The following HPS5 variants were observed in gnomAD, a reference collection of about 807,000 sequenced individuals.
The protein encoded by HPS5 is HPS5 biogenesis of lysosomal organelles complex 2 subunit 2, also known as BLOC-2 complex member HPS5.
HPS5 carries 83 observed loss-of-function variants against 128.0 expected under a neutral mutation model. The observed-to-expected ratio is 0.65, with a 90% CI of 0.54 to 0.78. The LOEUF is 0.78. Ranked by LOEUF, HPS5 falls within the 30% of genes least tolerant of loss-of-function variation. The pLI, the probability that HPS5 is intolerant of heterozygous loss-of-function variation, is 0.00. For synonymous variants in HPS5, 475 were observed against 470.2 expected, an observed-to-expected ratio of 1.01 and a Z score of -0.13; for missense variants, 1,281 against 1,326.2, an observed-to-expected ratio of 0.97 and a Z score of 0.53.
rs910524535 is a variant in HPS5 at position 18,280,684 on chromosome 11, T to TA, written c.3330-743dup. 4.7e-6 allele frequency: 3 copies of TA among 639,552 alleles called. No individual in the cohort carries two copies. The African/African-American group carries it at 5.5e-5, about 12-fold the overall frequency. The allele number at this position is 639,552 out of a possible 1,614,324, so 39.6% of individuals were successfully genotyped here. Reference sequence around the variant, plus strand: ...GGATAAACAAAAGGTGGCATATATATACAACGGAATATTATTCAGCCTTAA... The same window carrying TA: ...GGATAAACAAAAGGTGGCATATATATAACAACGGAATATTATTCAGCCTTAA... On this transcript the variant is annotated intron_variant, in intron 22 of 22. Coordinates refer to ENST00000349215, the MANE Select transcript of HPS5 (RefSeq NM_181507.2).
chr11:18,297,545 G>A lies in HPS5; in HGVS notation c.1323+14C>T. Reference sequence around the variant, plus strand: ...TCTTACCCTACAAAATCCTTTAAAGGTGAGAATACTTACATGTGATGAAAT... The same window carrying A: ...TCTTACCCTACAAAATCCTTTAAAGATGAGAATACTTACATGTGATGAAAT... On this transcript the variant is annotated intron_variant, in intron 11 of 22. Transcript: ENST00000349215. 2 of 1,611,208 alleles carry A rather than the reference G, an allele frequency of 1.2e-6. No homozygotes were observed.
chr11:18,296,639 G>A (rs1010764681), intron 12 of HPS5, 159 bp downstream of exon 12: 85 of 788,656 alleles, frequency 1.1e-4, no homozygotes, highest in Non-Finnish European at 1.0e-4. Context: ...AACTCTTCTA[G>A]TAGGGGGCAG....
intron 1 of HPS5, among the ~76,000 whole-genome samples, chr11:18,320,110 A>G (rs528084296): frequency 2.6e-4 from 40 of 152,324 alleles, no homozygotes; most frequent in African/African-American, 8.9e-4. Context: ...GAAAAGAAAA[A>G]AAGAATTTAA....
chr11:18,291,633 A>G lies in HPS5; in HGVS notation c.2249T>C (p.Leu750Ser), dbSNP rs1860418418. 6.2e-7 allele frequency: 1 copy of G among 1,614,090 alleles called. No homozygotes were observed. The highest frequency in any genetic ancestry group is 1.3e-5 in the African/African-American group (1 of 74,950). Reference protein sequence around the residue: ...LTTLCLELNVLNSKIKSTSGH... With the variant: ...LTTLCLELNVSNSKIKSTSGH... ...ACTGGTGCTTTTGATCTTAGAATTC[A>G]ATACATTCAACTCCAAACATAATGT... Residue 750 changes from leucine (L) to serine (S), a missense_variant, in exon 16 of 23, where the codon TTG becomes TCG. Leu to Ser is a moderately radical substitution (Grantham distance 145, BLOSUM62 -2). Coordinates refer to ENST00000349215, the MANE Select transcript of HPS5 (RefSeq NM_181507.2).
intron 22 of HPS5, 64 bp from the exon 23 acceptor site, chr11:18,280,006 T>G: frequency 1.3e-6 from 2 of 1,500,970 alleles, no homozygotes; most frequent in Non-Finnish European, 1.9e-6. Context: ...CACAGAAAAC[T>G]TAAAAACTAC....
rs1324233418 is a variant in HPS5, at chr11:18,286,671, T to C, written c.2757A>G (p.Leu919=). The C allele has an allele frequency of 1.9e-6, 3 of 1,614,014 alleles. No individual in the cohort carries two copies. The highest frequency in any genetic ancestry group is 1.7e-5 in the Admixed American group (1 of 60,012). The change falls in exon 19 of 23, where the codon TTA becomes TTG. Residue 919 remains leucine (L), a synonymous_variant. Transcript: ENST00000349215. ...FLESLLQPES[L]RLDWLLLAVS... ...CTGCCAAAAGCAGCCAATCCAACCT[T>C]AAAGACTCTGGTTGCAGAAGGGACT...
At chr11:18,319,521 T>C (rs1248684161) in intron 1 of HPS5, among the ~76,000 whole-genome samples, 2 of 152,152 alleles carry the variant, frequency 1.3e-5, no homozygotes, top group Non-Finnish European at 2.9e-5. Flanking sequence ...AAATTTAGTC[T>C]TTGGTTGAAA....
chr11:18,300,946 G>T, intron 8 of HPS5, 30 bp from the exon 9 acceptor site: 2 of 1,304,478 alleles, frequency 1.5e-6, no homozygotes, highest in Non-Finnish European at 2.2e-6. Context: ...GAGAATTCAA[G>T]TGTGCTAGGA....
At chr11:18,315,743 T>G (rs902365882) in intron 2 of HPS5, among the ~76,000 whole-genome samples, 3 of 152,144 alleles carry the variant, frequency 2.0e-5, no homozygotes, top group Admixed American at 2.0e-4. Context: ...CCGGGAGTCA[T>G]CATCATGCCC....
At chr11:18,296,490 T>C (rs1861083535) in intron 12 of HPS5, 11 of 577,518 alleles carry the variant, frequency 1.9e-5, no homozygotes, top group Non-Finnish European at 3.4e-5. Flanking sequence ...AAAAATAATT[T>C]GGTTAGTCAG....
At chr11:18,319,029 A>T (rs1440012234) in intron 1 of HPS5, among the ~76,000 whole-genome samples, 1 of 152,016 alleles carries the variant, frequency 6.6e-6, no homozygotes, top group Non-Finnish European at 1.5e-5. Context: ...GACCTCTGCA[A>T]GGAGAATGTT....
Position 18,306,354 on chromosome 11 carries a change from T to A in HPS5, c.612-7A>T, listed in dbSNP as rs749433305. Reference sequence around the variant, plus strand: ...AATTTTCCAAAACTTTTCTCTAACATCCAGAAAGGAAGAGAAAGCAGATTT... The same window carrying A: ...AATTTTCCAAAACTTTTCTCTAACAACCAGAAAGGAAGAGAAAGCAGATTT... On this transcript the variant is annotated splice_region_variant and splice_polypyrimidine_tract_variant and intron_variant, in intron 6 of 22. Transcript: ENST00000349215. 16 of 1,604,140 alleles carry A rather than the reference T, an allele frequency of 1.0e-5. No individual in the cohort carries two copies. The highest frequency in any genetic ancestry group is 1.4e-5 in the Non-Finnish European group (16 of 1,171,462).
At position 18,298,896 on chromosome 11, in the gene HPS5, G is replaced by T. The variant is rs959488816; in HGVS notation, c.1060C>A (p.Leu354Met). The change falls in exon 10 of 23, where the codon CTG becomes ATG. Residue 354 changes from leucine (L) to methionine (M), a missense_variant. Physicochemically the swap from Leu to Met is conservative, Grantham distance 15. Transcript: ENST00000349215. Reference sequence around the variant, plus strand: ...TCCACACAGCGCTCCACAGATATCAGGGAGAGATGTGAGACTTTCCCATTT... The same window carrying T: ...TCCACACAGCGCTCCACAGATATCATGGAGAGATGTGAGACTTTCCCATTT... ...HLNGKVSHLS[L>M]ISVERCVERL... 2 of 1,614,088 alleles carry T rather than the reference G, an allele frequency of 1.2e-6. No individual in the cohort carries two copies. The highest frequency in any genetic ancestry group is 1.7e-6 in the Non-Finnish European group (2 of 1,179,942).
At chr11:18,302,834 G>C (rs1020457080) in intron 8 of HPS5, among the ~76,000 whole-genome samples, 2 of 80,074 alleles carry the variant, frequency 2.5e-5, no homozygotes, top group Non-Finnish European at 5.5e-5. Flanking sequence ...GGGGGGGGGG[G>C]GGTGTCAGAG....
At chr11:18,287,823 G>A in intron 17 of HPS5, 70 bp downstream of exon 17, 1 of 1,604,090 alleles carries the variant, frequency 6.2e-7, no homozygotes, top group Admixed American at 1.7e-5. Context: ...TGAGTAACAT[G>A]TTAGAGACTA....
chr11:18,308,221 C>G (rs1010144534), intron 6 of HPS5, among the ~76,000 whole-genome samples: 2 of 152,232 alleles, frequency 1.3e-5, no homozygotes, highest in African/African-American at 4.8e-5. Context: ...CTGGCTCTAT[C>G]TACCCTTGAG....
intron 2 of HPS5, 51 bp downstream of exon 2, chr11:18,317,700 G>C (rs1178179038): frequency 6.3e-7 from 1 of 1,576,610 alleles, no homozygotes; most frequent in South Asian, 1.1e-5. Context: ...TAGGGGCACA[G>C]TAACAGAGAG....
At chr11:18,314,815 C>T (rs539853745) in intron 2 of HPS5, among the ~76,000 whole-genome samples, 10 of 152,298 alleles carry the variant, frequency 6.6e-5, no homozygotes, top group Admixed American at 5.2e-4. Flanking sequence ...ATGCTCCCAA[C>T]TCAGCCTTCT....
At chr11:18,307,585 A>G (rs1862516321) in intron 6 of HPS5, among the ~76,000 whole-genome samples, 2 of 152,164 alleles carry the variant, frequency 1.3e-5, no homozygotes, top group Non-Finnish European at 2.9e-5. Flanking sequence ...CATTAATCTT[A>G]CTTTCTATTA....
Sources: gnomAD v4.1 joint callset for allele counts (sites outside exome capture counted in the v4.1 genomes callset) on GRCh38, gnomAD v4.1.1 for gene constraint, MANE v1.5 for transcripts, NCBI Gene and HGNC (gene_info 2026-07-23, HGNC 2026-07-21) for gene names.